The following SMIM20 variants were observed in gnomAD, a reference collection of about 807,000 sequenced individuals.
SMIM20 encodes mitochondrial translation regulation assembly intermediate of cytochrome c oxidase protein of 7 kDa.
SMIM20 carries 3 observed loss-of-function variants against 8.7 expected under a neutral mutation model. That is an observed-to-expected ratio of 0.34 (90% confidence interval 0.16 to 0.89). The LOEUF is 0.89. Among genes scored for constraint, SMIM20 ranks in the 40% least tolerant of loss-of-function variants. SMIM20 has a pLI of 0.49. For synonymous variants in SMIM20, 44 were observed against 33.6 expected (o/e 1.31, Z -1.07); for missense variants, 85 against 84.8 (o/e 1.00, Z -0.01).
At chr4:25,918,533 C>T (rs753340811) in intron 1 of SMIM20, among the ~76,000 whole-genome samples, 4 of 151,240 alleles carry the variant, frequency 2.6e-5, no homozygotes, top group South Asian at 2.1e-4. Context: ...GATGGAGTTT[C>T]GCTGTTGATG....
chr4:25,920,006 C>T (rs1329094442), intron 1 of SMIM20, among the ~76,000 whole-genome samples: 2 of 152,224 alleles, frequency 1.3e-5, no homozygotes, highest in Non-Finnish European at 2.9e-5. Flanking sequence ...TTCTGACATA[C>T]ATCTGTTACT....
chr4:25,928,346 T>C lies in SMIM20; in HGVS notation c.143T>C (p.Val48Ala). 6.4e-7 allele frequency: 1 copy of C among 1,550,658 alleles called. No individual in the cohort carries two copies. Among genetic ancestry groups the C allele is most frequent in the Non-Finnish European group, 8.7e-7 (1 of 1,146,598 alleles). The change falls in exon 2 of 3, where the codon GTT (valine) becomes GCT (alanine). Residue 48 changes from valine to alanine, a missense_variant. Transcript: ENST00000506197. Reference sequence around the variant, plus strand: ...CAAGCTATAAATCGGGCTGGAATTGTTCAAGAGGATGTGCAGCCACCAGGT... The same window carrying C: ...CAAGCTATAAATCGGGCTGGAATTGCTCAAGAGGATGTGCAGCCACCAGGT... ...KEQAINRAGI[V>A]QEDVQPPGLK... is the part of the protein sequence containing the mutation.
rs1246812546 is a variant in SMIM20 at position 25,914,279 on chromosome 4, G to T, written c.-35G>T. 15 of 1,531,344 alleles carry T rather than the reference G, an allele frequency of 9.8e-6. No homozygotes were observed. The highest frequency in any genetic ancestry group is 2.1e-5 in the Admixed American group (1 of 47,762). The allele number at this position is 1,531,344 out of a possible 1,614,324, so 94.9% of individuals were successfully genotyped here. On this transcript the variant is annotated 5_prime_UTR_variant, in exon 1 of 3. Transcript: ENST00000506197. ...AACCTGGTTTCCGAGAGTGCCGGGC[G>T]GTCGGCGGGTCAGGGCAGCCCGGGG...
intron 2 of SMIM20, among the ~76,000 whole-genome samples, chr4:25,928,749 TGTG>T (rs1163664893): frequency 6.6e-6 from 1 of 152,256 alleles, no homozygotes; most frequent in Non-Finnish European, 1.5e-5. Flanking sequence ...TTTGAATTGA[TGTG>T]GGGTTCTGCT....
chr4:25,917,267 T>A (rs527536352), intron 1 of SMIM20, among the ~76,000 whole-genome samples: 4 of 151,960 alleles, frequency 2.6e-5, no homozygotes, highest in Non-Finnish European at 5.9e-5. Context: ...TTACTTCACT[T>A]CTCTGAGCCC....
chr4:25,928,148 T>A, intron 1 of SMIM20, 165 bp from the exon 2 acceptor site: 1 of 556,070 alleles, frequency 1.8e-6, no homozygotes, highest in Non-Finnish European at 3.0e-6. Flanking sequence ...CATTATAGGA[T>A]CTAACTTCCA....
At chr4:25,920,151 T>C (rs1719171473) in intron 1 of SMIM20, among the ~76,000 whole-genome samples, 1 of 152,220 alleles carries the variant, frequency 6.6e-6, no homozygotes, top group South Asian at 2.1e-4. Flanking sequence ...ACTTGCTTAA[T>C]TACAGTGCTC....
At chr4:25,921,120 A>G (rs1719194838) in intron 1 of SMIM20, among the ~76,000 whole-genome samples, 1 of 152,228 alleles carries the variant, frequency 6.6e-6, no homozygotes, top group Admixed American at 6.5e-5. Context: ...AGAAGGTGGA[A>G]AAGTCAAATC....
intron 1 of SMIM20, among the ~76,000 whole-genome samples, chr4:25,916,075 C>T (rs1387316839): frequency 3.3e-5 from 5 of 152,108 alleles, no homozygotes; most frequent in Admixed American, 1.3e-4. Flanking sequence ...AGGGATACTC[C>T]AGAATCTGTG....
At chr4:25,929,032 A>G in intron 2 of SMIM20, 122 bp from the exon 3 acceptor site, 3 of 1,220,128 alleles carry the variant, frequency 2.5e-6, no homozygotes, top group South Asian at 3.1e-5. Flanking sequence ...TGCTCACACC[A>G]TCTCAAACTA....
intron 1 of SMIM20, among the ~76,000 whole-genome samples, chr4:25,915,054 T>TGTTTTTTG (rs1719058613): frequency 6.6e-6 from 1 of 152,194 alleles, no homozygotes; most frequent in Non-Finnish European, 1.5e-5. Context: ...CTCCCCAAGA[T>TGTTTTTTG]GTTTTTTGAG....
At chr4:25,915,859 C>G (rs7439062) in intron 1 of SMIM20, among the ~76,000 whole-genome samples, 21,408 of 36,724 alleles carry the variant, frequency 0.58, 4,640 homozygotes, top group Non-Finnish European at 0.61. Context: ...TGGGATGGGG[C>G]GGGGGGGGGG....
chr4:25,919,529 G>C (rs999703691), intron 1 of SMIM20, among the ~76,000 whole-genome samples: 3 of 151,342 alleles, frequency 2.0e-5, no homozygotes, highest in Admixed American at 1.3e-4. Context: ...CTGTATTTTA[G>C]TAGAGATGGG....
At chr4:25,917,870 G>A (rs6852050) in intron 1 of SMIM20, among the ~76,000 whole-genome samples, 30,364 of 151,512 alleles carry the variant, frequency 0.2, 3,422 homozygotes, top group East Asian at 0.34. Context: ...CAGAGAATGT[G>A]GACTATATGA....
At chr4:25,924,176 A>T (rs1211441472) in intron 1 of SMIM20, among the ~76,000 whole-genome samples, 1 of 152,212 alleles carries the variant, frequency 6.6e-6, no homozygotes, top group Non-Finnish European at 1.5e-5. Flanking sequence ...CAGATGGTGT[A>T]TGTATCTAGG....
chr4:25,925,644 T>G (rs1026029355), intron 1 of SMIM20, among the ~76,000 whole-genome samples: 3 of 152,208 alleles, frequency 2.0e-5, no homozygotes, highest in Non-Finnish European at 4.4e-5. Flanking sequence ...TTCTGTCTGC[T>G]GGTCCTCCAC....
intron 1 of SMIM20, 200 bp from the exon 2 acceptor site, chr4:25,928,113 T>C (rs560998702): frequency 2.4e-6 from 1 of 421,782 alleles, no homozygotes; most frequent in South Asian, 7.6e-5. Flanking sequence ...TTCTTTATTC[T>C]TTTGAAAATA....
At chr4:25,925,802 T>C (rs1719281848) in intron 1 of SMIM20, among the ~76,000 whole-genome samples, 1 of 152,234 alleles carries the variant, frequency 6.6e-6, no homozygotes, top group Non-Finnish European at 1.5e-5. Flanking sequence ...AGGATATGTT[T>C]TTGTTTTTAA....
intron 1 of SMIM20, among the ~76,000 whole-genome samples, chr4:25,927,942 T>C (rs1277427276): frequency 2.6e-5 from 4 of 152,236 alleles, no homozygotes; most frequent in Non-Finnish European, 5.9e-5. Flanking sequence ...TTTTCTTAAT[T>C]GTACTTGTTC....
Sources: gnomAD v4.1 joint callset for allele counts (sites outside exome capture counted in the v4.1 genomes callset) on GRCh38, gnomAD v4.1.1 for gene constraint, MANE v1.5 for transcripts, NCBI Gene and HGNC (gene_info 2026-07-23, HGNC 2026-07-21) for gene names.